Variants in EFNA5 observed in about 807,000 individuals in gnomAD.
EFNA5 encodes the protein ephrin-A5.
EFNA5 carries 5 observed loss-of-function variants against 22.9 expected under a neutral mutation model. That is an observed-to-expected ratio of 0.22 (90% CI 0.11 to 0.46). EFNA5 has a LOEUF of 0.46. Among genes scored for constraint, EFNA5 ranks in the 20% least tolerant of loss-of-function variants. The probability of loss-of-function intolerance (pLI) is 0.99; values close to 1 mark genes in which losing one functional copy is unlikely to be tolerated. For synonymous variants in EFNA5, 113 were observed against 112.2 expected (o/e 1.01, Z -0.04); for missense variants, 237 against 293.3 (o/e 0.81, Z 1.40).
At chr5:107,417,720 T>A (rs530170320) in intron 2 of EFNA5, among the ~76,000 whole-genome samples, 3 of 152,188 alleles carry the variant, frequency 2.0e-5, no homozygotes. Flanking sequence ...AGAGATATTT[T>A]TTTAGCAAGC....
At chr5:107,666,562 A>G (rs974121950) in intron 1 of EFNA5, among the ~76,000 whole-genome samples, 2 of 152,164 alleles carry the variant, frequency 1.3e-5, no homozygotes, top group Admixed American at 6.5e-5. Context: ...TAAATCCTTC[A>G]TGACTTACAC....
intron 1 of EFNA5, among the ~76,000 whole-genome samples, chr5:107,598,798 G>A (rs11957859): frequency 5.3e-5 from 8 of 152,106 alleles, no homozygotes; most frequent in East Asian, 3.9e-4. Flanking sequence ...CTAACATGCC[G>A]AATGATCTAA....
chr5:107,436,681 A>G (rs1382880502), intron 1 of EFNA5, among the ~76,000 whole-genome samples: 1 of 152,078 alleles, frequency 6.6e-6, no homozygotes, highest in Non-Finnish European at 1.5e-5. Flanking sequence ...AGCACCTGCC[A>G]CATACACACA....
At chr5:107,583,089 C>T (rs928740514) in intron 1 of EFNA5, among the ~76,000 whole-genome samples, 1 of 152,026 alleles carries the variant, frequency 6.6e-6, no homozygotes, top group African/African-American at 2.4e-5. Context: ...CATAAAGAAC[C>T]AGGGTAAAGA....
At chr5:107,564,404 C>T (rs965487957) in intron 1 of EFNA5, among the ~76,000 whole-genome samples, 1 of 152,190 alleles carries the variant, frequency 6.6e-6, no homozygotes, top group South Asian at 2.1e-4. Flanking sequence ...ACATATACAG[C>T]ATTTGGTATG....
chr5:107,512,329 T>C (rs542135067), intron 1 of EFNA5, among the ~76,000 whole-genome samples: 1 of 151,738 alleles, frequency 6.6e-6, no homozygotes, highest in African/African-American at 2.4e-5. Context: ...TATAAGCAAC[T>C]GATTTGCAAG....
chr5:107,452,214 G>A (rs891752953), intron 1 of EFNA5, among the ~76,000 whole-genome samples: 10 of 152,026 alleles, frequency 6.6e-5, no homozygotes, highest in East Asian at 1.9e-4. Context: ...GCCTTTTACC[G>A]GGGTTGGGGG....
rs1483723168 is a variant in EFNA5, at chr5:107,670,822, G to A, written c.-209C>T. The A allele has an allele frequency of 4.8e-6, 3 of 626,334 alleles. No individual in the cohort carries two copies. The highest frequency in any genetic ancestry group is 2.1e-5 in the South Asian group (1 of 48,018). 38.8% of individuals were successfully genotyped at this position (626,334 alleles called of 1,614,324 possible). A position where few individuals can be genotyped will look rare whatever the true frequency, so the allele number is the denominator to read the frequency against. ...AGAAGAAAAGAAGGCGGTGGGATGG[G>A]GGGTGATAAAGACAAACTCGCACCC... On this transcript the variant is annotated 5_prime_UTR_variant, in exon 1 of 5. Coordinates refer to ENST00000333274, the MANE Select transcript of EFNA5 (RefSeq NM_001962.3).
chr5:107,569,571 A>ATATG (rs1554067036), intron 1 of EFNA5, among the ~76,000 whole-genome samples: 2 of 25,846 alleles, frequency 7.7e-5, no homozygotes, highest in Non-Finnish European at 2.0e-4. Flanking sequence ...ATATATATAT[A>ATATG]TATATATATA....
At chr5:107,554,440 C>T (rs1362387804) in intron 1 of EFNA5, among the ~76,000 whole-genome samples, 2 of 152,122 alleles carry the variant, frequency 1.3e-5, no homozygotes, top group African/African-American at 4.8e-5. Flanking sequence ...TCTTCTATGA[C>T]ACTGATATGG....
intron 1 of EFNA5, among the ~76,000 whole-genome samples, chr5:107,662,719 C>T (rs1422091456): frequency 4.0e-5 from 6 of 148,848 alleles, no homozygotes; most frequent in Admixed American, 6.7e-5. Flanking sequence ...CCAACTGCTT[C>T]ATATTTAGAG....
intron 1 of EFNA5, among the ~76,000 whole-genome samples, chr5:107,635,841 G>A (rs1750361411): frequency 6.6e-6 from 1 of 152,140 alleles, no homozygotes; most frequent in Non-Finnish European, 1.5e-5. Context: ...TAGGATGGAT[G>A]GTCTCAGGAG....
At chr5:107,665,188 A>T (rs1580590559) in intron 1 of EFNA5, among the ~76,000 whole-genome samples, 1 of 152,204 alleles carries the variant, frequency 6.6e-6, no homozygotes, top group South Asian at 2.1e-4. Flanking sequence ...AATTGTATTC[A>T]TTCATTTTCT....
chr5:107,488,551 T>C (rs1580487730), intron 1 of EFNA5, among the ~76,000 whole-genome samples: 1 of 152,262 alleles, frequency 6.6e-6, no homozygotes, highest in Non-Finnish European at 1.5e-5. Flanking sequence ...CCTACAAGCA[T>C]CAAATTATTT....
intron 2 of EFNA5, among the ~76,000 whole-genome samples, chr5:107,410,568 C>G (rs1355752931): frequency 3.3e-5 from 5 of 152,056 alleles, no homozygotes; most frequent in African/African-American, 1.2e-4. Flanking sequence ...AAAAAGGGTT[C>G]CCAGGTCTAA....
chr5:107,434,289 A>C (rs1254178584), intron 1 of EFNA5, among the ~76,000 whole-genome samples: 1 of 152,136 alleles, frequency 6.6e-6, no homozygotes, highest in African/African-American at 2.4e-5. Context: ...TTTCTTCCTT[A>C]TGATTTTCAT....
chr5:107,454,019 C>A (rs1187469425), intron 1 of EFNA5, among the ~76,000 whole-genome samples: 1 of 151,778 alleles, frequency 6.6e-6, no homozygotes, highest in Non-Finnish European at 1.5e-5. Flanking sequence ...CAATATTAAC[C>A]CACTCTTAAA....
intron 1 of EFNA5, among the ~76,000 whole-genome samples, chr5:107,484,906 A>T (rs469707): frequency 0.26 from 39,099 of 151,342 alleles, 5,280 homozygotes; most frequent in African/African-American, 0.35. Flanking sequence ...AAATAAAGGT[A>T]CCACAAAAAA....
intron 1 of EFNA5, among the ~76,000 whole-genome samples, chr5:107,549,427 G>A (rs1386931404): frequency 6.6e-6 from 1 of 152,192 alleles, no homozygotes; most frequent in Non-Finnish European, 1.5e-5. Context: ...AGGTAAGGAA[G>A]TGGATGCTCA....
Sources: gnomAD v4.1 joint callset for allele counts (sites outside exome capture counted in the v4.1 genomes callset) on GRCh38, gnomAD v4.1.1 for gene constraint, MANE v1.5 for transcripts, NCBI Gene and HGNC (gene_info 2026-07-23, HGNC 2026-07-21) for gene names.